CNBD1: variants seen among roughly 807,000 people sequenced by gnomAD.
CNBD1 encodes cyclic nucleotide-binding domain-containing protein 1.
Under a neutral mutation model 54.4 loss-of-function variants are expected in CNBD1, and 71 were observed. The ratio of observed to expected loss-of-function variants is 1.30; its 90% CI spans 1.08 to 1.59. The LOEUF (loss-of-function observed/expected upper bound fraction) is 1.59. CNBD1 is among the 40% of genes most tolerant of loss of function. CNBD1 has a pLI of 0.00. For synonymous variants in CNBD1, 182 were observed against 170.7 expected, an observed-to-expected ratio of 1.07 and a Z score of -0.51; for missense variants, 659 against 518.0, an observed-to-expected ratio of 1.27 and a Z score of -2.64.
intron 2 of CNBD1, among the ~76,000 whole-genome samples, chr8:86,894,626 G>A (rs747544710): frequency 6.6e-6 from 1 of 152,052 alleles, no homozygotes; most frequent in Non-Finnish European, 1.5e-5. Context: ...ATGTAATGAC[G>A]TGTGTTCAAT....
At chr8:86,889,371 A>G (rs1369628539) in intron 2 of CNBD1, among the ~76,000 whole-genome samples, 1 of 152,142 alleles carries the variant, frequency 6.6e-6, no homozygotes, top group Non-Finnish European at 1.5e-5. Flanking sequence ...TTATTTAAAA[A>G]CTTCAGAATT....
intron 4 of CNBD1, among the ~76,000 whole-genome samples, chr8:87,117,289 C>G (rs1326674493): frequency 6.6e-6 from 1 of 151,600 alleles, no homozygotes; most frequent in Non-Finnish European, 1.5e-5. Flanking sequence ...ATCCCAGCTA[C>G]TCAGGAGGCT....
At chr8:87,106,022 G>A (rs2130698610) in intron 4 of CNBD1, among the ~76,000 whole-genome samples, 1 of 152,202 alleles carries the variant, frequency 6.6e-6, no homozygotes, top group Admixed American at 6.5e-5. Flanking sequence ...AAATTACAGG[G>A]AAAACAGTTC....
intron 4 of CNBD1, among the ~76,000 whole-genome samples, chr8:87,021,124 T>C (rs2130576635): frequency 6.6e-6 from 1 of 152,350 alleles, no homozygotes; most frequent in Middle Eastern, 3.4e-3. Context: ...CATCCTAAAA[T>C]ACATAAACCA....
At chr8:87,133,087 A>C (rs1173360153) in intron 4 of CNBD1, among the ~76,000 whole-genome samples, 1 of 145,372 alleles carries the variant, frequency 6.9e-6, no homozygotes, top group African/African-American at 2.4e-5. Context: ...TAGTTCTATA[A>C]TTTTTATTTG....
intron 4 of CNBD1, among the ~76,000 whole-genome samples, chr8:87,188,259 T>C (rs528603259): frequency 6.6e-6 from 1 of 152,290 alleles, no homozygotes; most frequent in Admixed American, 6.5e-5. Context: ...CCATGACACA[T>C]AGTACTCTGC....
intron 2 of CNBD1, among the ~76,000 whole-genome samples, chr8:87,421,048 G>A (rs555800406): frequency 2.8e-4 from 42 of 151,968 alleles, no homozygotes; most frequent in Non-Finnish European, 2.9e-5. Context: ...GATAGCAACT[G>A]AAAATGCTTC....
At chr8:87,330,457 T>G (rs1176700462) in intron 8 of CNBD1, among the ~76,000 whole-genome samples, 1 of 152,112 alleles carries the variant, frequency 6.6e-6, no homozygotes, top group Non-Finnish European at 1.5e-5. Context: ...TGGATTTTGC[T>G]GCATCTTATA....
chr8:86,905,311 T>A (rs1586125004), intron 3 of CNBD1, 117 bp downstream of exon 3: 1 of 620,980 alleles, frequency 1.6e-6, no homozygotes, highest in Non-Finnish European at 2.8e-6. Flanking sequence ...ATATTTAGTG[T>A]GGAGGGCTAG....
chr8:87,411,413 T>C lies in CNBD1; in HGVS notation c.214-17133T>C, dbSNP rs1044624483. Among the ~76,000 whole-genome samples, 3 of 140,878 alleles carry C rather than the reference T, an allele frequency of 2.1e-5. 1 individual carries two copies. In the Admixed American group the frequency reaches 2.2e-4, roughly 10 times the overall value. The allele number at this position is 140,878 out of a possible 152,430, so 92.4% of individuals were successfully genotyped here. A position where few individuals can be genotyped will look rare whatever the true frequency, so the allele number is the denominator to read the frequency against. ...TAGCTATATCATATATATATATATATATATATATATATATTTCATTCACAC... is the reference window on the plus strand; with the variant it reads ...TAGCTATATCATATATATATATATACATATATATATATATTTCATTCACAC... On this transcript the variant is annotated intron_variant, in intron 2 of 7. Coordinates refer to the CNBD1 transcript ENST00000521593.
chr8:87,068,240 C>T (rs182494089), intron 4 of CNBD1, among the ~76,000 whole-genome samples: 2 of 152,070 alleles, frequency 1.3e-5, no homozygotes, highest in East Asian at 3.9e-4. Context: ...AGTTAATTTA[C>T]AAACCACTTG....
At chr8:87,035,424 G>A (rs1809904836) in intron 4 of CNBD1, among the ~76,000 whole-genome samples, 1 of 152,080 alleles carries the variant, frequency 6.6e-6, no homozygotes. Flanking sequence ...TTTAATCATT[G>A]CAATGCTTTA....
intron 6 of CNBD1, among the ~76,000 whole-genome samples, chr8:87,250,028 G>A (rs528755314): frequency 7.2e-5 from 11 of 152,176 alleles, no homozygotes; most frequent in African/African-American, 1.7e-4. Flanking sequence ...TCAACAAAGT[G>A]GAGAGACAAC....
intron 10 of CNBD1, among the ~76,000 whole-genome samples, chr8:87,371,292 G>A (rs1586055698): frequency 1.3e-5 from 2 of 151,998 alleles, no homozygotes; most frequent in South Asian, 4.1e-4. Flanking sequence ...GATGGGGATG[G>A]CATTGAATCT....
chr8:87,047,927 A>G (rs1026615906), intron 4 of CNBD1, among the ~76,000 whole-genome samples: 1 of 152,116 alleles, frequency 6.6e-6, no homozygotes, highest in South Asian at 2.1e-4. Context: ...GGTAGTCCTC[A>G]CTCATTTACT....
chr8:86,955,226 A>G (rs922561038), intron 4 of CNBD1, among the ~76,000 whole-genome samples: 3 of 152,156 alleles, frequency 2.0e-5, no homozygotes, highest in African/African-American at 2.4e-5. Context: ...TTAATCCAGT[A>G]TATCATTGAT....
In CNBD1 at chr8:87,072,448, T is replaced by C. The variant is rs182453375; in HGVS notation, c.431+132694T>C. On this transcript the variant is annotated intron_variant, in intron 4 of 10. Transcript: ENST00000518476. ...TGTTTTTTGTAGTGACTGATAACAG[T>C]TTTTCCTTTCCACTTTTAGTGCTTC... 2.6e-3 allele frequency among the ~76,000 whole-genome samples: 402 copies of C among 152,324 alleles called. 1 individual carries two copies. Among genetic ancestry groups the C allele is most frequent in the African/African-American group, 9.4e-3 (390 of 41,578 alleles).
At chr8:87,284,049 T>A (rs11783555) in intron 6 of CNBD1, among the ~76,000 whole-genome samples, 42,772 of 151,960 alleles carry the variant, frequency 0.28, 6,475 homozygotes, top group African/African-American at 0.39. Flanking sequence ...ATGTTTTCCC[T>A]AAGAAGCTCC....
intron 4 of CNBD1, among the ~76,000 whole-genome samples, chr8:87,093,455 A>T (rs549662162): frequency 6.6e-6 from 1 of 152,286 alleles, no homozygotes; most frequent in South Asian, 2.1e-4. Flanking sequence ...ATTCGTTCCT[A>T]CCCAGAGTAC....
Sources: allele counts gnomAD v4.1 joint callset (sites outside exome capture counted in the v4.1 genomes callset), GRCh38; gene constraint gnomAD v4.1.1; transcripts MANE v1.5; gene names NCBI Gene and HGNC (gene_info 2026-07-23, HGNC 2026-07-21).